LRMDA: variants seen among roughly 807,000 people sequenced by gnomAD.
LRMDA encodes the protein leucine-rich melanocyte differentiation-associated protein.
Under a neutral mutation model 29.8 loss-of-function variants are expected in LRMDA, and 18 were observed. The ratio of observed to expected loss-of-function variants is 0.60; its 90% CI spans 0.42 to 0.90. The LOEUF (loss-of-function observed/expected upper bound fraction) is 0.90, where lower values mean the gene tolerates loss of function less well. Ranked by LOEUF, LRMDA falls within the 40% of genes least tolerant of loss-of-function variation. The pLI is 0.00. For synonymous variants in LRMDA, 125 were observed against 109.4 expected, an observed-to-expected ratio of 1.14 and a Z score of -0.89; for missense variants, 273 against 273.9, an observed-to-expected ratio of 1.00 and a Z score of 0.02.
intron 6 of LRMDA, among the ~76,000 whole-genome samples, chr10:76,356,913 CTT>C (rs1841247546): frequency 6.6e-6 from 1 of 152,064 alleles, no homozygotes; most frequent in Non-Finnish European, 1.5e-5. Context: ...TAAACAATGA[CTT>C]TGGAATTTTT....
At chr10:75,453,767 G>T (rs768736483) in intron 2 of LRMDA, among the ~76,000 whole-genome samples, 4 of 152,190 alleles carry the variant, frequency 2.6e-5, no homozygotes, top group Non-Finnish European at 5.9e-5. Context: ...GAGATAGATG[G>T]TTGGGCATTG....
At chr10:76,033,402 T>C (rs2132503865) in intron 2 of LRMDA, among the ~76,000 whole-genome samples, 1 of 152,292 alleles carries the variant, frequency 6.6e-6, no homozygotes, top group Non-Finnish European at 1.5e-5. Context: ...TCTTACCAGC[T>C]CTTCTGGGAA....
intron 2 of LRMDA, among the ~76,000 whole-genome samples, chr10:75,564,168 A>C (rs1406862145): frequency 6.6e-6 from 1 of 152,070 alleles, no homozygotes; most frequent in Non-Finnish European, 1.5e-5. Flanking sequence ...GGTCTACTTG[A>C]GTTGTGGTGG....
At chr10:76,347,042 T>C (rs894626327) in intron 6 of LRMDA, among the ~76,000 whole-genome samples, 2 of 152,218 alleles carry the variant, frequency 1.3e-5, no homozygotes, top group Non-Finnish European at 2.9e-5. Flanking sequence ...ATTGGAGATA[T>C]CTGGTTAAAA....
intron 2 of LRMDA, among the ~76,000 whole-genome samples, chr10:75,784,246 G>A (rs1161677776): frequency 6.6e-6 from 1 of 152,174 alleles, no homozygotes; most frequent in Non-Finnish European, 1.5e-5. Flanking sequence ...TTGCCTCCCT[G>A]AGCTTGTTTC....
At chr10:75,519,615 G>T (rs1845332336) in intron 2 of LRMDA, among the ~76,000 whole-genome samples, 1 of 152,146 alleles carries the variant, frequency 6.6e-6, no homozygotes, top group Admixed American at 6.5e-5. Flanking sequence ...GCACATTGAT[G>T]GGTCTTGACT....
chr10:75,687,265 T>A (rs1334424915), intron 2 of LRMDA, among the ~76,000 whole-genome samples: 1 of 152,248 alleles, frequency 6.6e-6, no homozygotes, highest in Non-Finnish European at 1.5e-5. Context: ...TCATGCCAAC[T>A]GGTTAGTCAA....
At chr10:76,067,956 G>A (rs907114406) in intron 5 of LRMDA, among the ~76,000 whole-genome samples, 2 of 152,198 alleles carry the variant, frequency 1.3e-5, no homozygotes, top group Non-Finnish European at 2.9e-5. Flanking sequence ...GAACTCTCAG[G>A]CCATTGTGTA....
At chr10:75,937,596 G>T (rs886791775) in intron 2 of LRMDA, among the ~76,000 whole-genome samples, 5 of 152,178 alleles carry the variant, frequency 3.3e-5, no homozygotes, top group African/African-American at 1.2e-4. Flanking sequence ...ATTTCCATCA[G>T]TTAAGACACC....
At chr10:76,146,090 T>G (rs1372372162) in intron 5 of LRMDA, among the ~76,000 whole-genome samples, 1 of 152,114 alleles carries the variant, frequency 6.6e-6, no homozygotes, top group Non-Finnish European at 1.5e-5. Flanking sequence ...TTACATTTGC[T>G]GAGGAGTGCT....
chr10:75,608,999 C>T (rs377316716), intron 2 of LRMDA, among the ~76,000 whole-genome samples: 1 of 152,202 alleles, frequency 6.6e-6, no homozygotes, highest in East Asian at 1.9e-4. Flanking sequence ...CCTGCACGTA[C>T]TCTCAAAGAG....
At chr10:75,611,638 G>A (rs1298086645) in intron 2 of LRMDA, among the ~76,000 whole-genome samples, 4 of 152,020 alleles carry the variant, frequency 2.6e-5, no homozygotes, top group Admixed American at 2.0e-4. Context: ...TTGTCCTTTT[G>A]TGACTGGCTT....
intron 6 of LRMDA, among the ~76,000 whole-genome samples, chr10:76,410,413 A>T (rs1406460666): frequency 7.2e-6 from 1 of 138,842 alleles, no homozygotes; most frequent in African/African-American, 2.7e-5. Flanking sequence ...GTCTCAAGTG[A>T]TCCTCCCATC....
At chr10:75,770,854 A>G (rs1843230356) in intron 2 of LRMDA, among the ~76,000 whole-genome samples, 1 of 152,180 alleles carries the variant, frequency 6.6e-6, no homozygotes, top group Non-Finnish European at 1.5e-5. Flanking sequence ...AGGAGGAGAA[A>G]GTGAGTTCTA....
chr10:76,156,939 A>C (rs1223488644), intron 5 of LRMDA, among the ~76,000 whole-genome samples: 1 of 152,176 alleles, frequency 6.6e-6, no homozygotes, highest in Non-Finnish European at 1.5e-5. Context: ...AACGTAATAC[A>C]TTTCACTTTT....
chr10:76,540,838 G>A (rs1032832331), intron 6 of LRMDA, among the ~76,000 whole-genome samples: 5 of 152,128 alleles, frequency 3.3e-5, no homozygotes, highest in African/African-American at 1.2e-4. Flanking sequence ...CCTCATTGTT[G>A]TACTGAAAAT....
rs550076871 is a variant in LRMDA, at chr10:75,869,404, C to T, written c.132-166604C>T. On this transcript the variant is annotated intron_variant, in intron 2 of 6. Coordinates refer to ENST00000611255, the MANE Select transcript of LRMDA (RefSeq NM_001305581.2). ...ATATTCCGTCTTGAGGGTGAGGGCA[C>T]ATTTCTATATGGATATATCAAACTA... Among the ~76,000 whole-genome samples the T allele has an allele frequency of 7.2e-5, 11 of 152,296 alleles. No homozygotes were observed. In the South Asian group the frequency reaches 2.1e-3, roughly 29 times the overall value.
chr10:76,134,966 A>G (rs1391839063), intron 5 of LRMDA, among the ~76,000 whole-genome samples: 1 of 152,244 alleles, frequency 6.6e-6, no homozygotes, highest in East Asian at 1.9e-4. Context: ...TACCCAGGAG[A>G]ATATTTCTGC....
intron 3 of LRMDA, among the ~76,000 whole-genome samples, chr10:76,040,600 C>G (rs938760959): frequency 6.6e-6 from 1 of 152,222 alleles, no homozygotes; most frequent in South Asian, 2.1e-4. Context: ...CACCCAACCA[C>G]GAGCATGCAC....
Sources: allele counts gnomAD v4.1 joint callset (sites outside exome capture counted in the v4.1 genomes callset), GRCh38; gene constraint gnomAD v4.1.1; transcripts MANE v1.5; gene names NCBI Gene and HGNC (gene_info 2026-07-23, HGNC 2026-07-21).